Variants in HIPK1 observed in about 807,000 individuals in gnomAD.
The protein encoded by HIPK1 is homeodomain-interacting protein kinase 1.
HIPK1 carries 28 observed loss-of-function variants against 117.1 expected under a neutral mutation model. The observed-to-expected ratio is 0.24, with a 90% confidence interval of 0.18 to 0.33. The LOEUF (loss-of-function observed/expected upper bound fraction) is 0.33, where lower values mean the gene tolerates loss of function less well. Among genes scored for constraint, HIPK1 ranks in the 10% least tolerant of loss-of-function variants. HIPK1 has a pLI of 1.00. For synonymous variants in HIPK1, 605 were observed against 562.5 expected (o/e 1.08, Z -1.07); for missense variants, 1,122 against 1,475.1 (o/e 0.76, Z 3.92).
At chr1:113,961,060 A>G (rs1672074008) in intron 8 of HIPK1, among the ~76,000 whole-genome samples, 1 of 152,216 alleles carries the variant, frequency 6.6e-6, no homozygotes, top group African/African-American at 2.4e-5. Flanking sequence ...GTGAATTGGA[A>G]ATATAATAGC....
rs547989809 is a variant in HIPK1 at position 113,961,768 on chromosome 1, A to AC, written c.1982-545dup. Among the ~76,000 whole-genome samples, 35 of 151,758 alleles carry AC rather than the reference A, an allele frequency of 2.3e-4. No individual in the cohort carries two copies. The East Asian group carries it at 5.8e-3, about 25-fold the overall frequency. On this transcript the variant is annotated intron_variant, in intron 8 of 15. Coordinates refer to ENST00000426820, the MANE Select transcript of HIPK1 (RefSeq NM_198268.3). ...AGACCAGCCTGGCCAACATGGTGAAACCCCGTCTCTACTGAAAATATAAAA... is the reference window on the plus strand; with the variant it reads ...AGACCAGCCTGGCCAACATGGTGAAACCCCCGTCTCTACTGAAAATATAAAA...
chr1:113,963,670 T>C, intron 10 of HIPK1, 149 bp downstream of exon 10: 4 of 770,638 alleles, frequency 5.2e-6, no homozygotes, highest in East Asian at 2.7e-5. Flanking sequence ...CATGGAAGCA[T>C]GTGCCATCTT....
intron 8 of HIPK1, among the ~76,000 whole-genome samples, chr1:113,959,268 C>T (rs76276600): frequency 0.058 from 8,452 of 145,116 alleles, 296 homozygotes; most frequent in African/African-American, 0.07. Context: ...CTGATAGAGT[C>T]GGAGCAAGCA....
At chr1:113,929,584 C>T in intron 1 of HIPK1, 52 bp downstream of exon 1, 1 of 1,246,706 alleles carries the variant, frequency 8.0e-7, no homozygotes, top group Non-Finnish European at 1.0e-6. Flanking sequence ...GCGGGGCCGG[C>T]CGGGTTGAGG....
At chr1:113,944,989 G>A (rs1019227540) in intron 2 of HIPK1, among the ~76,000 whole-genome samples, 13 of 152,020 alleles carry the variant, frequency 8.6e-5, no homozygotes, top group East Asian at 3.9e-4. Context: ...CTGAGACTAC[G>A]GGCATGCACC....
intron 1 of HIPK1, among the ~76,000 whole-genome samples, chr1:113,932,885 A>G (rs1431587358): frequency 6.6e-6 from 1 of 152,070 alleles, no homozygotes; most frequent in Non-Finnish European, 1.5e-5. Context: ...AGCCTCCTCC[A>G]TCTTCCATTC....
chr1:113,972,863 G>A (rs531879185), intron 15 of HIPK1, among the ~76,000 whole-genome samples, 161 bp from the exon 16 acceptor site: 13 of 152,278 alleles, frequency 8.5e-5, no homozygotes, highest in Non-Finnish European at 1.8e-4. Flanking sequence ...GGCAGAAGGA[G>A]GGGTGGCTGA....
At chr1:113,955,901 A>C (rs1424146356) in intron 5 of HIPK1, among the ~76,000 whole-genome samples, 2 of 152,052 alleles carry the variant, frequency 1.3e-5, no homozygotes, top group Non-Finnish European at 2.9e-5. Flanking sequence ...TACTTATGAA[A>C]GTTTCTTGTC....
chr1:113,947,056 A>G (rs1239104248), intron 2 of HIPK1, among the ~76,000 whole-genome samples: 1 of 152,154 alleles, frequency 6.6e-6, no homozygotes, highest in Non-Finnish European at 1.5e-5. Context: ...TTTGACTCCA[A>G]AGCTAGTCCT....
chr1:113,947,983 A>G (rs1000414760), intron 2 of HIPK1, among the ~76,000 whole-genome samples: 3 of 152,324 alleles, frequency 2.0e-5, no homozygotes, highest in Admixed American at 6.5e-5. Context: ...TTATTACACA[A>G]ATGAGGTAGA....
chr1:113,971,207 C>T (rs927809427), intron 14 of HIPK1, among the ~76,000 whole-genome samples: 7 of 152,224 alleles, frequency 4.6e-5, no homozygotes, highest in African/African-American at 1.4e-4. Flanking sequence ...AGAGAGCTTC[C>T]TGATGCCAGG....
chr1:113,957,115 C>A lies in HIPK1; in HGVS notation c.1593-9C>A. The A allele has an allele frequency of 6.2e-7, 1 of 1,606,778 alleles. No individual in the cohort carries two copies. The highest frequency in any genetic ancestry group is 8.5e-7 in the Non-Finnish European group (1 of 1,174,016). On this transcript the variant is annotated splice_polypyrimidine_tract_variant and intron_variant, in intron 6 of 15. Transcript: ENST00000426820. ...CATTCATTTAATGAATCTTTAATCT[C>A]CTTTTCAGTGTTAAGTCTTGTTTTC...
At chr1:113,934,184 G>A (rs1179565253) in intron 1 of HIPK1, among the ~76,000 whole-genome samples, 1 of 152,212 alleles carries the variant, frequency 6.6e-6, no homozygotes, top group Non-Finnish European at 1.5e-5. Flanking sequence ...TAAATTGTAT[G>A]AAAGAGGCAA....
At chr1:113,967,016 C>T (rs1324917865) in intron 11 of HIPK1, among the ~76,000 whole-genome samples, 1 of 152,134 alleles carries the variant, frequency 6.6e-6, no homozygotes, top group Non-Finnish European at 1.5e-5. Context: ...GCTTATTTCA[C>T]TTAACATGAT....
At position 113,967,886 on chromosome 1, in the gene HIPK1, A is replaced by C; in HGVS notation, c.2502A>C (p.Arg834Ser). 6.2e-7 allele frequency: 1 copy of C among 1,611,852 alleles called. No homozygotes were observed. Among genetic ancestry groups the C allele is most frequent in the African/African-American group, 1.3e-5 (1 of 74,906 alleles). Residue 834 changes from arginine to serine, a missense_variant, in exon 12 of 16, where the codon AGA (arginine) becomes AGC (serine). Around this residue, in one of 6 missense-constraint regions of HIPK1, gnomAD observed 731 missense variants for 860.4 expected, o/e 0.85. Transcript: ENST00000426820. ...ATGTTGGTGTTGCCCATGTTGTCAGACAACAACAATCCAGTTCCCTCCCTT... is the reference window on the plus strand; with the variant it reads ...ATGTTGGTGTTGCCCATGTTGTCAGCCAACAACAATCCAGTTCCCTCCCTT... The part of the protein sequence containing the change: ...PLNVGVAHVV[R>S]QQQSSSLPSK...
chr1:113,972,615 T>A (rs1430931346), intron 15 of HIPK1, among the ~76,000 whole-genome samples: 2 of 152,138 alleles, frequency 1.3e-5, no homozygotes, highest in African/African-American at 4.8e-5. Context: ...GTATTTTAGT[T>A]TCCACATTTC....
At chr1:113,969,914 A>C (rs748161398) in intron 13 of HIPK1, 42 bp from the exon 14 acceptor site, 19 of 1,609,948 alleles carry the variant, frequency 1.2e-5, no homozygotes, top group South Asian at 9.9e-5. Flanking sequence ...CACACACACA[A>C]AAAAGAACAA....
intron 1 of HIPK1, among the ~76,000 whole-genome samples, chr1:113,931,247 A>G (rs1423082534): frequency 3.4e-5 from 5 of 148,764 alleles, no homozygotes; most frequent in African/African-American, 7.5e-5. Context: ...AAAGCTTTCT[A>G]TAAAACATTT....
chr1:113,945,712 T>C (rs1415747251), intron 2 of HIPK1, among the ~76,000 whole-genome samples: 1 of 152,216 alleles, frequency 6.6e-6, no homozygotes, highest in Non-Finnish European at 1.5e-5. Flanking sequence ...TTAATCTATA[T>C]ATGTCTTTAT....
Sources: gnomAD v4.1 joint callset for allele counts (sites outside exome capture counted in the v4.1 genomes callset) on GRCh38, gnomAD v4.1.1 for gene constraint, gnomAD v4.1.1 regional missense constraint, MANE v1.5 for transcripts, NCBI Gene and HGNC (gene_info 2026-07-23, HGNC 2026-07-21) for gene names.